The following SCN2A variants were observed in gnomAD, a reference collection of about 807,000 sequenced individuals.
The protein encoded by SCN2A is sodium channel protein type 2 subunit alpha.
In SCN2A, 20 loss-of-function variants were observed where a neutral mutation model predicts 188.7. That is an observed-to-expected ratio of 0.11 (90% CI 0.07 to 0.15). SCN2A has a LOEUF of 0.15. SCN2A is among the 10% of genes least tolerant of loss of function. SCN2A has a pLI of 1.00. For synonymous variants in SCN2A, 804 were observed against 833.1 expected (o/e 0.97, Z 0.60); for missense variants, 1,278 against 2,445.0 (o/e 0.52, Z 10.07).
intron 20 of SCN2A, chr2:165,372,873 T>A: frequency 4.1e-6 from 1 of 245,522 alleles, no homozygotes; most frequent in East Asian, 9.8e-5. Context: ...GTTTTACAGA[T>A]CTGTAGAGGA....
chr2:165,287,837 G>A (rs1574504443), intron 1 of SCN2A, among the ~76,000 whole-genome samples: 1 of 152,238 alleles, frequency 6.6e-6, no homozygotes, highest in African/African-American at 2.4e-5. Context: ...GGAAGGCTCT[G>A]GTTACCTCTG....
At chr2:165,353,104 C>G (rs893544623) in intron 16 of SCN2A, among the ~76,000 whole-genome samples, 3 of 150,926 alleles carry the variant, frequency 2.0e-5, no homozygotes, top group Non-Finnish European at 4.4e-5. Context: ...TCTTTTCACT[C>G]ATTCATACTG....
intron 1 of SCN2A, among the ~76,000 whole-genome samples, chr2:165,277,782 T>C (rs1388505849): frequency 6.6e-6 from 1 of 152,228 alleles, no homozygotes; most frequent in Non-Finnish European, 1.5e-5. Flanking sequence ...ATCTGCCCTC[T>C]AGAATCGACA....
intron 11 of SCN2A, among the ~76,000 whole-genome samples, chr2:165,321,623 C>T (rs1326425484): frequency 6.7e-6 from 1 of 149,588 alleles, no homozygotes; most frequent in East Asian, 2.1e-4. Flanking sequence ...TGGATGGTGT[C>T]AGGCAAAGAG....
intron 19 of SCN2A, among the ~76,000 whole-genome samples, chr2:165,368,504 A>C (rs914848888): frequency 1.3e-5 from 2 of 152,126 alleles, no homozygotes; most frequent in African/African-American, 4.8e-5. Flanking sequence ...GTTCCTGTCA[A>C]AATTGCTTAA....
chr2:165,317,275 TAATC>T (rs1697805766), intron 11 of SCN2A, among the ~76,000 whole-genome samples: 2 of 145,066 alleles, frequency 1.4e-5, no homozygotes, highest in Non-Finnish European at 3.0e-5. Flanking sequence ...GTAGAAACAT[TAATC>T]AATAAATAGG....
At chr2:165,287,203 G>C (rs1695879929) in intron 1 of SCN2A, among the ~76,000 whole-genome samples, 1 of 152,212 alleles carries the variant, frequency 6.6e-6, no homozygotes, top group Non-Finnish European at 1.5e-5. Context: ...CCCTTGACTT[G>C]AAGTTTTATA....
At chr2:165,358,734 C>T (rs1700303124) in intron 17 of SCN2A, among the ~76,000 whole-genome samples, 1 of 152,024 alleles carries the variant, frequency 6.6e-6, no homozygotes, top group South Asian at 2.1e-4. Flanking sequence ...GGAAAACTTT[C>T]TCCCGAAGAA....
At chr2:165,311,018 A>G (rs982252486) in intron 7 of SCN2A, among the ~76,000 whole-genome samples, 1 of 152,118 alleles carries the variant, frequency 6.6e-6, no homozygotes, top group South Asian at 2.1e-4. Flanking sequence ...TACATATGCT[A>G]TATCTGAAAA....
chr2:165,272,700 G>T (rs183482062), intron 1 of SCN2A: 1 of 151,288 alleles, frequency 6.6e-6, no homozygotes, highest in East Asian at 1.9e-4. Context: ...TATAGAAAAG[G>T]CCCCTTTTTA....
intron 20 of SCN2A, chr2:165,370,658 G>A (rs1313742894): frequency 3.9e-6 from 1 of 254,816 alleles, no homozygotes; most frequent in Non-Finnish European, 7.8e-6. Context: ...ACATTAGTAT[G>A]TTTGTCATCA....
rs1352759851 is a variant in SCN2A at position 165,323,222 on chromosome 2, T to C, written c.1738T>C (p.Phe580Leu). The change falls in exon 12 of 27, where the codon TTC becomes CTC. Residue 580 changes from phenylalanine (F) to leucine (L), a missense_variant. Phe to Leu is a conservative substitution (Grantham distance 22). This residue lies in a region of SCN2A where 315 missense variants were observed against 386.6 expected (regional missense o/e 0.81). Transcript: ENST00000375437. ...CAACAGTAGGGCGAGCCTTTTCAGC[T>C]TCAGAGGTCGAGCAAAGGACATTGG... ...RRNSRASLFSFRGRAKDIGSE... is the reference protein window; with the variant it reads ...RRNSRASLFSLRGRAKDIGSE... 4 of 1,614,106 alleles carry C rather than the reference T, an allele frequency of 2.5e-6. No individual in the cohort carries two copies. The African/African-American group carries it at 5.3e-5, about 22-fold the overall frequency.
chr2:165,312,422 G>A (rs1697487864), intron 8 of SCN2A, among the ~76,000 whole-genome samples: 1 of 152,054 alleles, frequency 6.6e-6, no homozygotes, highest in African/African-American at 2.4e-5. Context: ...ATATACTAAT[G>A]TGTTCTCCAT....
chr2:165,364,841 A>G (rs1409291975), intron 17 of SCN2A, among the ~76,000 whole-genome samples: 2 of 152,204 alleles, frequency 1.3e-5, no homozygotes, highest in Non-Finnish European at 2.9e-5. Flanking sequence ...AGATGATTAT[A>G]TGACTCTGGC....
At chr2:165,293,826 C>T in intron 1 of SCN2A, 1 of 984,820 alleles carries the variant, frequency 1.0e-6, no homozygotes, top group Non-Finnish European at 1.2e-6. Flanking sequence ...CAACTGAGAG[C>T]TTTGGGCTGC....
intron 21 of SCN2A, among the ~76,000 whole-genome samples, chr2:165,374,221 G>C (rs1439077355): frequency 6.6e-6 from 1 of 151,958 alleles, no homozygotes; most frequent in Non-Finnish European, 1.5e-5. Flanking sequence ...GCAGTAGAAG[G>C]CTTAATAAAC....
rs553048252 is a variant in SCN2A at position 165,315,222 on chromosome 2, A to C, written c.1384-249A>C. 3.3e-5 allele frequency among the ~76,000 whole-genome samples: 5 copies of C among 152,300 alleles called. No individual in the cohort carries two copies. In the South Asian group the frequency reaches 1.0e-3, roughly 32 times the overall value. ...AAGTGTCTTGCTCATATTATTAGAT[A>C]ATTAGATATCATAGTGTGAGGACAG... is the stretch of plus-strand genomic sequence containing the variant. On this transcript the variant is annotated intron_variant, in intron 10 of 26. Transcript: ENST00000375437.
intron 1 of SCN2A, among the ~76,000 whole-genome samples, chr2:165,292,279 C>T (rs1696254736): frequency 6.6e-6 from 1 of 152,176 alleles, no homozygotes; most frequent in Non-Finnish European, 1.5e-5. Flanking sequence ...TTATTTTGGG[C>T]TACATCTTCC....
chr2:165,301,787 C>T (rs1696822395), intron 3 of SCN2A, among the ~76,000 whole-genome samples: 1 of 152,190 alleles, frequency 6.6e-6, no homozygotes, highest in South Asian at 2.1e-4. Flanking sequence ...ACTCTGCAAA[C>T]AAAATCTTTA....
Sources: gnomAD v4.1 joint callset for allele counts (sites outside exome capture counted in the v4.1 genomes callset) on GRCh38, gnomAD v4.1.1 for gene constraint, gnomAD v4.1.1 regional missense constraint, MANE v1.5 for transcripts, NCBI Gene and HGNC (gene_info 2026-07-23, HGNC 2026-07-21) for gene names.